The following B4GALT7 variants were observed in gnomAD, a reference collection of about 807,000 sequenced individuals.
B4GALT7 encodes the protein beta-1,4-galactosyltransferase 7.
A neutral mutation model predicts 33.0 loss-of-function variants in B4GALT7; 30 were observed. The ratio of observed to expected loss-of-function variants is 0.91; its 90% confidence interval spans 0.68 to 1.23. The LOEUF (loss-of-function observed/expected upper bound fraction) is 1.23. B4GALT7 is among the 50% of genes most tolerant of loss of function. B4GALT7 has a pLI of 0.00. For missense variants in B4GALT7, 507 were observed against 450.8 expected (o/e 1.12, Z -1.13); for synonymous variants, 213 against 187.2 (o/e 1.14, Z -1.13).
Position 177,609,782 on chromosome 5 carries a change from C to A in B4GALT7, c.*87C>A. ...CCTCAGGTCGTGGGCCCAGCTCTGA[C>A]AGGATGTGGAGTGGCCAGGACCAAG... On this transcript the variant is annotated 3_prime_UTR_variant, in exon 6 of 6. Transcript: ENST00000029410. The A allele has an allele frequency of 6.6e-7, 1 of 1,518,186 alleles. No individual in the cohort carries two copies. Among genetic ancestry groups the A allele is most frequent in the Non-Finnish European group, 8.9e-7 (1 of 1,121,010 alleles). The allele number at this position is 1,518,186 out of a possible 1,614,324, so 94.0% of individuals were successfully genotyped here. A position where few individuals can be genotyped will look rare whatever the true frequency, so the allele number is the denominator to read the frequency against.
chr5:177,600,180 C>A lies in B4GALT7; in HGVS notation c.-31C>A. On this transcript the variant is annotated 5_prime_UTR_variant, in exon 1 of 6. Coordinates refer to ENST00000029410, the MANE Select transcript of B4GALT7 (RefSeq NM_007255.3). The surrounding 1 kb of genome is among the most constrained non-coding windows in gnomAD (Gnocchi z 4.4). ...GGCCGGGCCGGCCGGGCTGCGAGCG[C>A]CTGCCCCATGCGCCGCCGCCTCTCC... 1.5e-6 allele frequency: 2 copies of A among 1,326,434 alleles called. No individual in the cohort carries two copies. Among genetic ancestry groups the A allele is most frequent in the East Asian group, 3.2e-5 (1 of 31,680 alleles). The allele number at this position is 1,326,434 out of a possible 1,614,324, so 82.2% of individuals were successfully genotyped here. A position where few individuals can be genotyped will look rare whatever the true frequency, so the allele number is the denominator to read the frequency against.
At position 177,600,714 on chromosome 5, in the gene B4GALT7, C is replaced by T. The variant is rs919992780; in HGVS notation, c.50+454C>T. On this transcript the variant is annotated intron_variant, in intron 1 of 5. Transcript: ENST00000029410. This position sits in a 1 kb window ranked among gnomAD's most constrained non-coding sequence, Gnocchi z 4.4. ...ATCCCTGAGGACGTGTATTCCGTTT[C>T]TCTGGTCTCTGCCTTCCTCATCACA... Among the ~76,000 whole-genome samples the T allele has an allele frequency of 6.6e-6, 1 of 152,084 alleles. No homozygotes were observed. Among genetic ancestry groups the T allele is most frequent in the East Asian group, 1.9e-4 (1 of 5,188 alleles).
chr5:177,609,932 T>C lies in B4GALT7; in HGVS notation c.*237T>C. 1 of 584,044 alleles carries C rather than the reference T, an allele frequency of 1.7e-6. No individual in the cohort carries two copies. Among genetic ancestry groups the C allele is most frequent in the Non-Finnish European group, 3.1e-6 (1 of 327,460 alleles). The allele number at this position is 584,044 out of a possible 1,614,324, so 36.2% of individuals were successfully genotyped here. On this transcript the variant is annotated 3_prime_UTR_variant, in exon 6 of 6. Transcript: ENST00000029410. ...ATCAGAGAGAGGCTGGGGTGTGTCC[T>C]GTCCGGGACCCCCCCTGCCTTCCTG...
rs891617846 is a variant in B4GALT7, at chr5:177,608,520, C to T, written c.640-19C>T. ...CCCCGGGAAGATGGGCCGAGTGACG[C>T]TGCTTGTCTCTGTGTCAGTGCAATG... On this transcript the variant is annotated intron_variant, in intron 3 of 5. Transcript: ENST00000029410. The surrounding 1 kb of genome is among the most constrained non-coding windows in gnomAD (Gnocchi z 4.1). The T allele has an allele frequency of 1.9e-6, 3 of 1,608,264 alleles. No individual in the cohort carries two copies. Among genetic ancestry groups the T allele is most frequent in the Admixed American group, 1.7e-5 (1 of 59,972 alleles).
chr5:177,602,904 A>C lies in B4GALT7; in HGVS notation c.51-1275A>C, dbSNP rs1057051433. 8.0e-5 allele frequency: 72 copies of C among 897,520 alleles called. 1 individual carries two copies. Among genetic ancestry groups the C allele is most frequent in the Non-Finnish European group, 3.6e-5 (27 of 749,854 alleles). The allele number at this position is 897,520 out of a possible 1,614,324, so 55.6% of individuals were successfully genotyped here. ...ATTTATTTATTTATTTATTTATGAG[A>C]TGGAGTCTCGCTCTGTTGCCCAGGC... On this transcript the variant is annotated intron_variant, in intron 1 of 5. Coordinates refer to ENST00000029410, the MANE Select transcript of B4GALT7 (RefSeq NM_007255.3).
rs565183548 is a variant in B4GALT7, at chr5:177,604,199, G to A, written c.71G>A (p.Gly24Asp). ...EDGRSGLLSGGLPRKCSVFHL... is the reference protein window; with the variant it reads ...EDGRSGLLSGDLPRKCSVFHL... The stretch of plus-strand genomic sequence containing the variant: ...TCCAGGTCCGGGTTGCTCTCCGGCG[G>A]CCTCCCTCGGAAGTGTTCCGTCTTC... The change falls in exon 2 of 6, where the codon GGC (glycine) becomes GAC (aspartate). Residue 24 changes from glycine to aspartate, a missense_variant. Coordinates refer to ENST00000029410, the MANE Select transcript of B4GALT7 (RefSeq NM_007255.3). 6.2e-7 allele frequency: 1 copy of A among 1,613,566 alleles called. No individual in the cohort carries two copies. Among genetic ancestry groups the A allele is most frequent in the African/African-American group, 1.3e-5 (1 of 75,044 alleles).
At chr5:177,602,720 G>C in intron 1 of B4GALT7, 1 of 509,200 alleles carries the variant, frequency 2.0e-6, no homozygotes, top group Non-Finnish European at 2.5e-6. Context: ...AGCACCTGGA[G>C]TTGGGGCCAG....
chr5:177,602,793 G>T (rs1767878314), intron 1 of B4GALT7: 2 of 982,982 alleles, frequency 2.0e-6, no homozygotes, highest in South Asian at 9.4e-5. Flanking sequence ...ACAGAGGAGG[G>T]TCATTCAGAA....
intron 2 of B4GALT7, 151 bp from the exon 3 acceptor site, chr5:177,607,151 G>A: frequency 1.4e-6 from 1 of 708,462 alleles, no homozygotes; most frequent in African/African-American, 1.8e-5. Context: ...TAGTAAATAT[G>A]CGATGAGTGG....
rs540531834 is a variant in B4GALT7 at position 177,608,801 on chromosome 5, C to T, written c.724-109C>T. On this transcript the variant is annotated intron_variant, in intron 4 of 5. Transcript: ENST00000029410. The surrounding 1 kb of genome is among the most constrained non-coding windows in gnomAD (Gnocchi z 4.1). ...TGCCCTGTGGGCCCCAGTCTCCTCT[C>T]CTGCAGGCTGGGAGTGCAGGTCCCT... 13 of 1,169,170 alleles carry T rather than the reference C, an allele frequency of 1.1e-5. No individual in the cohort carries two copies. The South Asian group carries it at 1.5e-4, about 13-fold the overall frequency. 72.4% of individuals were successfully genotyped at this position (1,169,170 alleles called of 1,614,324 possible).
chr5:177,604,330 A>C lies in B4GALT7; in HGVS notation c.202A>C (p.Thr68Pro). The part of the protein sequence containing the change: ...ARAVRGQGQE[T>P]SGPPRACPPE... ...GGCAGTCAGGGGACAAGGGCAGGAG[A>C]CCTCGGGCCCTCCCCGTGCCTGCCC... The change falls in exon 2 of 6, where the codon ACC becomes CCC. Residue 68 changes from threonine to proline, a missense_variant. Transcript: ENST00000029410. 1.2e-6 allele frequency: 2 copies of C among 1,610,188 alleles called. No individual in the cohort carries two copies. The highest frequency in any genetic ancestry group is 1.7e-6 in the Non-Finnish European group (2 of 1,178,268).
At position 177,604,240 on chromosome 5, in the gene B4GALT7, T is replaced by G; in HGVS notation, c.112T>G (p.Cys38Gly). The G allele has an allele frequency of 6.2e-7, 1 of 1,613,810 alleles. No homozygotes were observed. Among genetic ancestry groups the G allele is most frequent in the African/African-American group, 1.3e-5 (1 of 75,052 alleles). Reference protein sequence around the residue: ...KCSVFHLFVACLSLGFFSLLW... With the variant: ...KCSVFHLFVAGLSLGFFSLLW... ...TTCCGTCTTCCACCTGTTCGTGGCCTGCCTCTCGCTGGGCTTCTTCTCCCT... is the reference window on the plus strand; with the variant it reads ...TTCCGTCTTCCACCTGTTCGTGGCCGGCCTCTCGCTGGGCTTCTTCTCCCT... Residue 38 changes from cysteine (C) to glycine (G), a missense_variant, in exon 2 of 6, where the codon TGC becomes GGC. Cys to Gly is a radical substitution (Grantham distance 159). Transcript: ENST00000029410.
At chr5:177,604,957 T>G in intron 2 of B4GALT7, 1 of 458,314 alleles carries the variant, frequency 2.2e-6, no homozygotes, top group East Asian at 6.9e-5. Context: ...GGCGTTATCC[T>G]AAAATCCCTG....
At chr5:177,603,123 C>T (rs1767886544) in intron 1 of B4GALT7, 1 of 750,326 alleles carries the variant, frequency 1.3e-6, no homozygotes, top group Non-Finnish European at 1.6e-6. Flanking sequence ...CCTCGTGATG[C>T]ACCTGCCTCG....
At position 177,608,455 on chromosome 5, in the gene B4GALT7, G is replaced by C. The variant is rs150216451; in HGVS notation, c.640-84G>C. 54 of 1,265,766 alleles carry C rather than the reference G, an allele frequency of 4.3e-5. 1 individual carries two copies. In the African/African-American group the frequency reaches 7.4e-4, roughly 17 times the overall value. 78.4% of individuals were successfully genotyped at this position (1,265,766 alleles called of 1,614,324 possible). On this transcript the variant is annotated intron_variant, in intron 3 of 5. Coordinates refer to ENST00000029410, the MANE Select transcript of B4GALT7 (RefSeq NM_007255.3). The surrounding 1 kb of genome is among the most constrained non-coding windows in gnomAD (Gnocchi z 4.1). ...GGGCTTATTCAGAGGCGCTGGGGGAGAGGGGCACTCCCGAGCGGTAGGAGA... is the reference window on the plus strand; with the variant it reads ...GGGCTTATTCAGAGGCGCTGGGGGACAGGGGCACTCCCGAGCGGTAGGAGA...
intron 2 of B4GALT7, chr5:177,605,020 C>A (rs769800701): frequency 6.6e-6 from 3 of 455,838 alleles, no homozygotes; most frequent in South Asian, 4.6e-5. Flanking sequence ...TCTCACCCAC[C>A]AGCCCCCACC....
chr5:177,605,575 G>A (rs1392036104), intron 2 of B4GALT7, among the ~76,000 whole-genome samples: 6 of 152,120 alleles, frequency 3.9e-5, no homozygotes, highest in Non-Finnish European at 4.4e-5. Flanking sequence ...CAGCCTCTGT[G>A]CACAGGGACT....
At position 177,606,817 on chromosome 5, in the gene B4GALT7, G is replaced by A. The variant is rs1019719177; in HGVS notation, c.414-485G>A. 8.2e-5 allele frequency: 18 copies of A among 220,638 alleles called. No homozygotes were observed. Among genetic ancestry groups the A allele is most frequent in the African/African-American group, 2.7e-4 (12 of 43,916 alleles). The allele number at this position is 220,638 out of a possible 1,614,324, so 13.7% of individuals were successfully genotyped here. On this transcript the variant is annotated intron_variant, in intron 2 of 5. Coordinates refer to ENST00000029410, the MANE Select transcript of B4GALT7 (RefSeq NM_007255.3). The surrounding 1 kb of genome is among the most constrained non-coding windows in gnomAD (Gnocchi z 4.2). ...CGTTGGTCTGCTCCTGCCTCCTGCC[G>A]TGGCAGTGCCATCTCTCCTATGCAG...
chr5:177,608,781 T>A lies in B4GALT7; in HGVS notation c.724-129T>A. ...TGGTCATCTAGCCAGTTCCTTGCCC[T>A]GTGGGCCCCAGTCTCCTCTCCTGCA... On this transcript the variant is annotated intron_variant, in intron 4 of 5. Transcript: ENST00000029410. This position sits in a 1 kb window ranked among gnomAD's most constrained non-coding sequence, Gnocchi z 4.1. 5 of 1,127,888 alleles carry A rather than the reference T, an allele frequency of 4.4e-6. No homozygotes were observed. In the South Asian group the frequency reaches 6.3e-5, roughly 14 times the overall value. 69.9% of individuals were successfully genotyped at this position (1,127,888 alleles called of 1,614,324 possible). A position where few individuals can be genotyped will look rare whatever the true frequency, so the allele number is the denominator to read the frequency against.
Sources: allele counts gnomAD v4.1 joint callset (sites outside exome capture counted in the v4.1 genomes callset), GRCh38; gene constraint gnomAD v4.1.1; non-coding constraint Gnocchi (gnomAD v3.1); transcripts MANE v1.5; gene names NCBI Gene and HGNC (gene_info 2026-07-23, HGNC 2026-07-21).